TNFAIP6: variants seen among roughly 807,000 people sequenced by gnomAD.
TNFAIP6 encodes TNF alpha induced protein 6, also known as tumor necrosis factor-inducible gene 6 protein.
In TNFAIP6, 36 loss-of-function variants were observed where a neutral mutation model predicts 33.7. That is an observed-to-expected ratio of 1.07 (90% CI 0.82 to 1.41). The LOEUF (loss-of-function observed/expected upper bound fraction) is 1.41. Among genes scored for constraint, TNFAIP6 ranks in the 40% most tolerant of loss-of-function variants. The pLI, the probability that TNFAIP6 is intolerant of heterozygous loss-of-function variation, is 0.00. For missense variants in TNFAIP6, 273 were observed against 331.9 expected, an observed-to-expected ratio of 0.82 and a Z score of 1.38; for synonymous variants, 113 against 112.8, an observed-to-expected ratio of 1.00 and a Z score of -0.01.
At chr2:151,371,884 C>A (rs13417340) in intron 4 of TNFAIP6, 27,387 of 152,110 alleles carry the variant, frequency 0.18, 2,798 homozygotes, top group African/African-American at 0.29. Context: ...TGTGAGCCAC[C>A]GCACCTGGCC....
chr2:151,358,506 T>G (rs954031327), intron 1 of TNFAIP6, among the ~76,000 whole-genome samples: 1 of 152,202 alleles, frequency 6.6e-6, no homozygotes, highest in African/African-American at 2.4e-5. Context: ...TGCTAAACAA[T>G]GCTTTAATTC....
chr2:151,363,922 T>C (rs2152013217), intron 1 of TNFAIP6, 21 bp from the exon 2 acceptor site: 3 of 1,610,276 alleles, frequency 1.9e-6, no homozygotes, highest in Non-Finnish European at 2.5e-6. Context: ...AGTGCTTTTA[T>C]GACATCATCT....
chr2:151,357,910 C>G (rs3821322), intron 1 of TNFAIP6, 150 bp downstream of exon 1: 10 of 440,326 alleles, frequency 2.3e-5, no homozygotes, highest in African/African-American at 1.6e-4. Context: ...GGAATACATA[C>G]GCTTTTTTTT....
chr2:151,373,613 A>G, intron 5 of TNFAIP6, 24 bp downstream of exon 5: 1 of 1,444,718 alleles, frequency 6.9e-7, no homozygotes, highest in Non-Finnish European at 9.4e-7. Flanking sequence ...TTGAGGACCA[A>G]AACTATGATT....
At chr2:151,381,316 T>A (rs1291540567), downstream of TNFAIP6, among the ~76,000 whole-genome samples, 4 of 151,952 alleles carry the variant, frequency 2.6e-5, no homozygotes, top group African/African-American at 7.3e-5. Flanking sequence ...ATGAAAAAAA[T>A]TTTAAATTAA....
At chr2:151,381,252 C>G (rs1685005823), downstream of TNFAIP6, among the ~76,000 whole-genome samples, 1 of 152,086 alleles carries the variant, frequency 6.6e-6, no homozygotes, top group African/African-American at 2.4e-5. Flanking sequence ...CAGAGGATCT[C>G]TTGAGCTCAG....
At chr2:151,371,512 A>G (rs1402265916) in intron 4 of TNFAIP6, among the ~76,000 whole-genome samples, 1 of 152,244 alleles carries the variant, frequency 6.6e-6, no homozygotes, top group East Asian at 1.9e-4. Flanking sequence ...AAAGAAAACC[A>G]AAGGCATTTC....
intron 1 of TNFAIP6, among the ~76,000 whole-genome samples, chr2:151,360,913 T>A (rs1225216001): frequency 6.6e-6 from 1 of 152,102 alleles, no homozygotes; most frequent in African/African-American, 2.4e-5. Flanking sequence ...GATGAAATAA[T>A]CTGTACAGCA....
intron 5 of TNFAIP6, among the ~76,000 whole-genome samples, chr2:151,376,073 C>T (rs1025658289): frequency 5.3e-5 from 8 of 152,008 alleles, no homozygotes; most frequent in African/African-American, 1.9e-4. Context: ...GGTGAAACCC[C>T]ATCTTTACTA....
chr2:151,365,842 CAAGT>C (rs1449919107), intron 2 of TNFAIP6, among the ~76,000 whole-genome samples: 1 of 151,926 alleles, frequency 6.6e-6, no homozygotes, highest in Non-Finnish European at 1.5e-5. Context: ...GCATTTTTTT[CAAGT>C]AAGAGGTAGT....
intron 1 of TNFAIP6, among the ~76,000 whole-genome samples, chr2:151,359,475 G>A (rs902410231): frequency 2.1e-5 from 3 of 146,108 alleles, no homozygotes; most frequent in Non-Finnish European, 3.0e-5. Context: ...TCCAAGCTCC[G>A]CCTCCCAGGT....
Position 151,362,486 on chromosome 2 carries a change from T to G in TNFAIP6, c.95-1457T>G, listed in dbSNP as rs866722565. Among the ~76,000 whole-genome samples, 278 of 90,462 alleles carry G rather than the reference T, an allele frequency of 3.1e-3. 1 individual carries two copies. Among genetic ancestry groups the G allele is most frequent in the South Asian group, 9.8e-3 (21 of 2,134 alleles). 59.3% of individuals were successfully genotyped at this position (90,462 alleles called of 152,430 possible). A position where few individuals can be genotyped will look rare whatever the true frequency, so the allele number is the denominator to read the frequency against. On this transcript the variant is annotated intron_variant, in intron 1 of 5. Transcript: ENST00000243347. ...TTATTTGTCTTACTAAATTCTTTTTTTTTTTTTTTTTTTTTTTTTTTTTTG... is the reference window on the plus strand; with the variant it reads ...TTATTTGTCTTACTAAATTCTTTTTGTTTTTTTTTTTTTTTTTTTTTTTTG...
At chr2:151,380,978 T>A (rs1412712566), downstream of TNFAIP6, among the ~76,000 whole-genome samples, 1 of 152,192 alleles carries the variant, frequency 6.6e-6, no homozygotes, top group Non-Finnish European at 1.5e-5. Context: ...TCACTTCACC[T>A]TTTTAGGGAG....
chr2:151,359,946 A>G (rs1684597785), intron 1 of TNFAIP6, among the ~76,000 whole-genome samples: 1 of 152,248 alleles, frequency 6.6e-6, no homozygotes, highest in Admixed American at 6.5e-5. Context: ...TACATGGATC[A>G]TGAGAATAAA....
intron 5 of TNFAIP6, among the ~76,000 whole-genome samples, chr2:151,378,231 T>G (rs1410563966): frequency 6.6e-6 from 1 of 152,152 alleles, no homozygotes; most frequent in Non-Finnish European, 1.5e-5. Context: ...GCCTCCTTTT[T>G]GAAAAAGATA....
rs750979012 is a variant in TNFAIP6 at position 151,363,954 on chromosome 2, G to T, written c.106G>T (p.Gly36Cys). 1.3e-5 allele frequency: 21 copies of T among 1,612,754 alleles called. No homozygotes were observed. The highest frequency in any genetic ancestry group is 1.7e-5 in the Non-Finnish European group (20 of 1,179,622). The change falls in exon 2 of 6, where the codon GGT (glycine) becomes TGT (cysteine). Residue 36 changes from glycine to cysteine, a missense_variant. Physicochemically the swap from Gly to Cys is radical, Grantham distance 159. Transcript: ENST00000243347. The stretch of plus-strand genomic sequence containing the variant: ...ATCTGATTTTGCAGAACGAGCAGCC[G>T]GTGTGTACCACAGAGAAGCACGGTC... The part of the protein sequence containing the change: ...HNSIWLERAA[G>C]VYHREARSGK...
intron 4 of TNFAIP6, among the ~76,000 whole-genome samples, chr2:151,370,640 G>T (rs1443619899): frequency 6.6e-6 from 1 of 152,130 alleles, no homozygotes; most frequent in African/African-American, 2.4e-5. Context: ...GCTGCCTTTG[G>T]ATTATGGCTA....
chr2:151,364,686 A>C (rs1162934248), intron 2 of TNFAIP6, among the ~76,000 whole-genome samples: 1 of 152,220 alleles, frequency 6.6e-6, no homozygotes, highest in African/African-American at 2.4e-5. Flanking sequence ...TTCTTTATAC[A>C]AAAGTGGATT....
chr2:151,371,738 G>A (rs1684819530), intron 4 of TNFAIP6, among the ~76,000 whole-genome samples: 1 of 152,006 alleles, frequency 6.6e-6, no homozygotes, highest in South Asian at 2.1e-4. Context: ...GGGATTACAG[G>A]CGCCTACCAC....
Sources: allele counts gnomAD v4.1 joint callset (sites outside exome capture counted in the v4.1 genomes callset), GRCh38; gene constraint gnomAD v4.1.1; transcripts MANE v1.5; gene names NCBI Gene and HGNC (gene_info 2026-07-23, HGNC 2026-07-21).